The following ALG3 variants were observed in gnomAD, a reference collection of about 807,000 sequenced individuals.
ALG3 encodes dol-P-Man:Man(5)GlcNAc(2)-PP-Dol alpha-1,3-mannosyltransferase.
ALG3 carries 39 observed loss-of-function variants against 50.5 expected under a neutral mutation model. The ratio of observed to expected loss-of-function variants is 0.77; its 90% CI spans 0.60 to 1.01. The LOEUF is 1.01. Among genes scored for constraint, ALG3 ranks in the 50% least tolerant of loss-of-function variants. The pLI is 0.00. For synonymous variants in ALG3, 252 were observed against 237.2 expected (o/e 1.06, Z -0.58); for missense variants, 520 against 554.8 (o/e 0.94, Z 0.63).
upstream of ALG3, chr3:184,249,197 A>G (rs1311750426): frequency 6.2e-7 from 1 of 1,609,664 alleles, no homozygotes; most frequent in Non-Finnish European, 8.5e-7. Flanking sequence ...TTTAGAACGA[A>G]TGTCCAGAAA....
chr3:184,244,790 T>G, intron 4 of ALG3, 69 bp from the exon 5 acceptor site: 1 of 1,536,666 alleles, frequency 6.5e-7, no homozygotes, highest in Non-Finnish European at 8.8e-7. Flanking sequence ...CCCAAAGACA[T>G]ACCCCCCACC....
chr3:184,246,680 CT>C (rs34546476), intron 1 of ALG3, among the ~76,000 whole-genome samples: 2,506 of 131,142 alleles, frequency 0.019, 21 homozygotes, highest in Non-Finnish European at 0.025. Flanking sequence ...AGGCTGTCTT[CT>C]TTTTTTTTTT....
At chr3:184,249,194 C>T, upstream of ALG3, 1 of 1,608,494 alleles carries the variant, frequency 6.2e-7, no homozygotes, top group Non-Finnish European at 8.5e-7. Context: ...TAATTTAGAA[C>T]GAATGTCCAG....
intron 2 of ALG3, 44 bp from the exon 3 acceptor site, chr3:184,245,659 A>G (rs1469880137): frequency 1.2e-6 from 2 of 1,610,962 alleles, no homozygotes; most frequent in Non-Finnish European, 1.7e-6. Context: ...GGTCACACAG[A>G]CTAGTACCTA....
chr3:184,248,999 T>G, upstream of ALG3: 1 of 1,541,908 alleles, frequency 6.5e-7, no homozygotes. Flanking sequence ...CCTTCGACAC[T>G]TAGGTTCCGC....
chr3:184,245,547 C>T lies in ALG3; in HGVS notation c.365G>A (p.Arg122His), dbSNP rs867376445. The T allele has an allele frequency of 1.2e-5, 20 of 1,613,814 alleles. No individual in the cohort carries two copies. Among genetic ancestry groups the T allele is most frequent in the East Asian group, 4.5e-5 (2 of 44,880 alleles). The change falls in exon 3 of 9, where the codon CGC becomes CAC. Residue 122 changes from arginine (R) to histidine (H), a missense_variant. By Grantham distance (29) the Arg-to-His change is conservative. Around this residue, in one of 3 missense-constraint regions of ALG3, gnomAD observed 290 missense variants for 265.9 expected, o/e 1.09. Transcript: ENST00000397676. ...CACAGCAAAGATGTTCTGGGCCATGCGGATGTCAGTGCCTCGGCTGGTGGC... is the reference window on the plus strand; with the variant it reads ...CACAGCAAAGATGTTCTGGGCCATGTGGATGTCAGTGCCTCGGCTGGTGGC... The part of the protein sequence containing the change: ...YYATSRGTDI[R>H]MAQNIFAVLY...
upstream of ALG3, chr3:184,249,162 C>A: frequency 6.3e-7 from 1 of 1,577,532 alleles, no homozygotes; most frequent in Admixed American, 1.8e-5. Context: ...CAGTTTATAC[C>A]CAGCCCTGGG....
Position 184,245,228 on chromosome 3 carries a change from T to C in ALG3, c.575A>G (p.Gln192Arg), listed in dbSNP as rs1228857499. 1.9e-6 allele frequency: 3 copies of C among 1,613,682 alleles called. No homozygotes were observed. In the Admixed American group the frequency reaches 5.0e-5, roughly 27 times the overall value. Residue 192 changes from glutamine to arginine, a missense_variant, in exon 4 of 9, where the codon CAG (glutamine) becomes CGG (arginine). Gln to Arg is a conservative substitution (Grantham distance 43). Transcript: ENST00000397676. ...LFLSINLLLA[Q>R]RWGWGCCFFS... is the part of the protein sequence containing the mutation. The stretch of plus-strand genomic sequence containing the variant: ...AAAGCAGCAACCCCAGCCCCAGCGC[T>C]GGGCCAGCAGGAGGTTGATACTGAG...
At chr3:184,248,658 T>TC in intron 1 of ALG3, 87 bp downstream of exon 1, 1 of 1,234,254 alleles carries the variant, frequency 8.1e-7, no homozygotes, top group Non-Finnish European at 1.1e-6. Context: ...ATACAGAGTC[T>TC]GGTTTGGAGT....
At chr3:184,243,034 G>A in intron 7 of ALG3, 77 bp from the exon 8 acceptor site, 1 of 1,566,458 alleles carries the variant, frequency 6.4e-7, no homozygotes, top group Non-Finnish European at 8.7e-7. Context: ...ATAGTTTTTA[G>A]GTCACATAGC....
intron 1 of ALG3, among the ~76,000 whole-genome samples, chr3:184,246,876 G>T (rs957627550): frequency 6.6e-6 from 1 of 151,520 alleles, no homozygotes; most frequent in South Asian, 2.1e-4. Context: ...GTAGAGATGG[G>T]GTTTCACCGT....
Position 184,248,866 on chromosome 3 carries a change from C to T in ALG3, c.75G>A (p.Leu25=). The change falls in exon 1 of 9, where the codon CTG becomes CTA. Residue 25 remains leucine (L), a synonymous_variant. Transcript: ENST00000397676. ...AQAEGLCKQW[L]QRAWQERRLL... is the part of the protein sequence containing the mutation. ...GGCGCCGCTCTTGCCAGGCGCGCTGCAGCCATTGCTTGCAGAGTCCCTCTG... is the reference window on the plus strand; with the variant it reads ...GGCGCCGCTCTTGCCAGGCGCGCTGTAGCCATTGCTTGCAGAGTCCCTCTG... 1 of 1,607,384 alleles carries T rather than the reference C, an allele frequency of 6.2e-7. No individual in the cohort carries two copies. Among genetic ancestry groups the T allele is most frequent in the Non-Finnish European group, 8.5e-7 (1 of 1,177,164 alleles).
chr3:184,248,919 G>A lies in ALG3; in HGVS notation c.22C>T (p.Arg8Cys). The change falls in exon 1 of 9, where the codon CGC (arginine) becomes TGC (cysteine). Residue 8 changes from arginine to cysteine, a missense_variant. Physicochemically the swap from Arg to Cys is radical, Grantham distance 180. Transcript: ENST00000397676. ...TGGGCCGCGGAACCGGACCGGCCGC[G>A]TTTCCGCAGCCCAGCCGCCATCTTA... MAAGLRK[R>C]GRSGSAAQAE... 3.1e-6 allele frequency: 5 copies of A among 1,588,930 alleles called. No homozygotes were observed. In the South Asian group the frequency reaches 4.5e-5, roughly 14 times the overall value.
chr3:184,246,368 C>G (rs544978183), intron 1 of ALG3, among the ~76,000 whole-genome samples: 4 of 152,334 alleles, frequency 2.6e-5, no homozygotes, highest in African/African-American at 9.6e-5. Flanking sequence ...CTTAAAACCT[C>G]TCAATGATTC....
upstream of ALG3, chr3:184,249,498 G>C (rs1002463467): frequency 5.3e-6 from 4 of 755,416 alleles, no homozygotes; most frequent in South Asian, 5.6e-5. Flanking sequence ...CAGTACAGCC[G>C]GAGGATTCAG....
chr3:184,245,488 T>C lies in ALG3; in HGVS notation c.424A>G (p.Ile142Val). The change falls in exon 3 of 9, where the codon ATC (isoleucine) becomes GTC (valine). Residue 142 changes from isoleucine to valine, a missense_variant. Physicochemically the swap from Ile to Val is conservative, Grantham distance 29 (BLOSUM62 3). This residue lies in a region of ALG3 where 290 missense variants were observed against 265.9 expected (regional missense o/e 1.09). Coordinates refer to ENST00000397676, the MANE Select transcript of ALG3 (RefSeq NM_005787.6). ...CTCACCTTGCAGGTCTGGTGATAGA[T>C]CAAGAAGACAAGCAGCAAGGTAGCC... is the stretch of plus-strand genomic sequence containing the variant. ...YLATLLLVFL[I>V]YHQTCKVPPF... 1 of 1,613,928 alleles carries C rather than the reference T, an allele frequency of 6.2e-7. No individual in the cohort carries two copies. Among genetic ancestry groups the C allele is most frequent in the South Asian group, 1.1e-5 (1 of 91,082 alleles).
intron 4 of ALG3, 97 bp from the exon 5 acceptor site, chr3:184,244,818 C>T: frequency 6.8e-7 from 1 of 1,479,452 alleles, no homozygotes; most frequent in South Asian, 1.3e-5. Context: ...CAGCAACCTC[C>T]CCCCCGCCGC....
At chr3:184,242,752 A>G in intron 8 of ALG3, 61 bp downstream of exon 8, 3 of 1,600,218 alleles carry the variant, frequency 1.9e-6, no homozygotes, top group Admixed American at 3.4e-5. Flanking sequence ...TGCCCTAGAC[A>G]TAAACCCCCA....
rs908472655 is a variant in ALG3, at chr3:184,243,717, C to T, written c.932+74G>A. The T allele has an allele frequency of 3.6e-5, 57 of 1,593,010 alleles. 1 individual carries two copies. Among genetic ancestry groups the T allele is most frequent in the Non-Finnish European group, 4.3e-5 (50 of 1,168,040 alleles). ...CCCATGAGCTTAACTGACACTTCCC[C>T]CAAGCAGCCCCTAAGGCTTAGGCCC... On this transcript the variant is annotated intron_variant, in intron 6 of 8. Transcript: ENST00000397676.
Sources: gnomAD v4.1 joint callset for allele counts (sites outside exome capture counted in the v4.1 genomes callset) on GRCh38, gnomAD v4.1.1 for gene constraint, gnomAD v4.1.1 regional missense constraint, MANE v1.5 for transcripts, NCBI Gene and HGNC (gene_info 2026-07-23, HGNC 2026-07-21) for gene names.